Variants in NAV3 observed in about 807,000 individuals in gnomAD.
NAV3 encodes the protein pore membrane and/or filament interacting like protein 1.
Under a neutral mutation model 244.7 loss-of-function variants are expected in NAV3, and 87 were observed. That is an observed-to-expected ratio of 0.36 (90% CI 0.30 to 0.42). The LOEUF (loss-of-function observed/expected upper bound fraction) is 0.42, where lower values mean the gene tolerates loss of function less well. NAV3 is among the 20% of genes least tolerant of loss of function. NAV3 has a pLI of 1.00. For missense variants in NAV3, 2,663 were observed against 2,893.3 expected (o/e 0.92, Z 1.83); for synonymous variants, 1,126 against 1,042.2 (o/e 1.08, Z -1.55).
At chr12:77,961,115 A>G (rs1047518538) in intron 3 of NAV3, among the ~76,000 whole-genome samples, 5 of 145,674 alleles carry the variant, frequency 3.4e-5, no homozygotes, top group Non-Finnish European at 4.5e-5. Context: ...TATATGTAAT[A>G]TAATAAATAT....
chr12:77,615,631 C>T (rs187847310), intron 2 of NAV3, among the ~76,000 whole-genome samples: 1 of 152,112 alleles, frequency 6.6e-6, no homozygotes, highest in Non-Finnish European at 1.5e-5. Context: ...TGATGGGCAT[C>T]TTTATTGATT....
intron 1 of NAV3, among the ~76,000 whole-genome samples, chr12:77,939,893 C>A (rs1889699674): frequency 6.6e-6 from 1 of 152,086 alleles, no homozygotes; most frequent in African/African-American, 2.4e-5. Flanking sequence ...ATGACAAATT[C>A]AATAGTGTTC....
intron 1 of NAV3, among the ~76,000 whole-genome samples, chr12:77,839,631 G>A (rs1875266609): frequency 6.6e-6 from 1 of 152,176 alleles, no homozygotes. Flanking sequence ...TACATAGTTG[G>A]TGGTCAACAC....
chr12:77,850,797 T>G (rs559212881), intron 1 of NAV3, among the ~76,000 whole-genome samples: 31 of 152,244 alleles, frequency 2.0e-4, no homozygotes, highest in African/African-American at 7.5e-4. Context: ...AGTCTCTGGT[T>G]TTCTTGCTAC....
chr12:77,813,337 A>G (rs1445658178), intron 2 of NAV3, among the ~76,000 whole-genome samples: 1 of 152,160 alleles, frequency 6.6e-6, no homozygotes, highest in Non-Finnish European at 1.5e-5. Flanking sequence ...GGAACTATAT[A>G]TCAGGGTTCT....
intron 1 of NAV3, among the ~76,000 whole-genome samples, chr12:77,922,265 T>G (rs1432391838): frequency 2.6e-5 from 4 of 152,146 alleles, no homozygotes; most frequent in Admixed American, 2.6e-4. Context: ...GAGGTTTTTT[T>G]GGGTTTTGTT....
chr12:78,050,057 A>G lies in NAV3; in HGVS notation c.2088A>G (p.Leu696=). The G allele has an allele frequency of 1.2e-6, 2 of 1,613,500 alleles. No homozygotes were observed. Among genetic ancestry groups the G allele is most frequent in the African/African-American group, 1.3e-5 (1 of 75,044 alleles). ...ACATAGCAGACTTGAGGCAGAATTTAGAAGAGACTATGTCCAGTCTTCGTG... is the reference window on the plus strand; with the variant it reads ...ACATAGCAGACTTGAGGCAGAATTTGGAAGAGACTATGTCCAGTCTTCGTG... ...VKNIADLRQN[L]EETMSSLRGT... Residue 696 remains leucine (L), a synonymous_variant, in exon 10 of 40, where the codon TTA becomes TTG. Coordinates refer to ENST00000397909, the MANE Select transcript of NAV3 (RefSeq NM_001024383.2).
At chr12:77,759,062 A>C (rs1436943526) in intron 2 of NAV3, among the ~76,000 whole-genome samples, 1 of 152,226 alleles carries the variant, frequency 6.6e-6, no homozygotes, top group African/African-American at 2.4e-5. Flanking sequence ...AGCAGCTGCC[A>C]CATTGGACAG....
chr12:77,820,989 A>C (rs1872718405), intron 2 of NAV3, among the ~76,000 whole-genome samples: 1 of 151,996 alleles, frequency 6.6e-6, no homozygotes, highest in African/African-American at 2.4e-5. Context: ...GGTAGGTTGA[A>C]AAAGAGGTAT....
At position 78,128,722 on chromosome 12, in the gene NAV3, C is replaced by T. The variant is rs752344646; in HGVS notation, c.4297C>T (p.Arg1433Trp). The change falls in exon 18 of 40, where the codon CGG (arginine) becomes TGG (tryptophan). Residue 1433 changes from arginine (R) to tryptophan (W), a missense_variant. Physicochemically the swap from Arg to Trp is moderately radical, Grantham distance 101. Around this residue, in one of 6 missense-constraint regions of NAV3, gnomAD observed 354 missense variants for 413.0 expected, o/e 0.86. Transcript: ENST00000397909. The part of the protein sequence containing the change: ...KKGLRYTPSS[R>W]QANQEEGKEW... Reference sequence around the variant, plus strand: ...GTTTTGCAGATATACCCCATCATCTCGGCAGGCCAACCAAGAAGAGGGCAA... The same window carrying T: ...GTTTTGCAGATATACCCCATCATCTTGGCAGGCCAACCAAGAAGAGGGCAA... 8.7e-6 allele frequency: 14 copies of T among 1,613,724 alleles called. No homozygotes were observed. The highest frequency in any genetic ancestry group is 1.6e-4 in the Middle Eastern group (1 of 6,080).
chr12:77,777,210 A>T (rs1331770572), intron 2 of NAV3, among the ~76,000 whole-genome samples: 2 of 152,210 alleles, frequency 1.3e-5, no homozygotes, highest in African/African-American at 2.4e-5. Flanking sequence ...AATTTATAAC[A>T]TAGGCATACT....
At chr12:77,984,734 C>G (rs1198867185) in intron 5 of NAV3, among the ~76,000 whole-genome samples, 4 of 152,154 alleles carry the variant, frequency 2.6e-5, no homozygotes, top group Admixed American at 6.5e-5. Flanking sequence ...ATAATGTCAT[C>G]TATCATTTCT....
At chr12:77,915,755 G>A (rs1311373654) in intron 1 of NAV3, among the ~76,000 whole-genome samples, 2 of 151,892 alleles carry the variant, frequency 1.3e-5, no homozygotes, top group Non-Finnish European at 2.9e-5. Flanking sequence ...TGCAAAATTG[G>A]TAAGGTCTTT....
chr12:78,007,675 C>T (rs1446432286), intron 8 of NAV3, among the ~76,000 whole-genome samples: 1 of 152,138 alleles, frequency 6.6e-6, no homozygotes. Context: ...TTGAGACCTT[C>T]AAAAATTGAA....
intron 3 of NAV3, among the ~76,000 whole-genome samples, chr12:77,964,348 C>T (rs1249450916): frequency 2.6e-5 from 4 of 152,174 alleles, no homozygotes; most frequent in Middle Eastern, 6.8e-3. Flanking sequence ...AGAAATCTTC[C>T]TTCTTTCTAT....
At chr12:77,693,666 CCT>C (rs1316791089) in intron 2 of NAV3, among the ~76,000 whole-genome samples, 1 of 151,976 alleles carries the variant, frequency 6.6e-6, no homozygotes, top group Non-Finnish European at 1.5e-5. Context: ...TGAGGCAACC[CCT>C]GTTACCATTT....
At chr12:77,854,139 C>T (rs1416495529) in intron 1 of NAV3, among the ~76,000 whole-genome samples, 1 of 152,058 alleles carries the variant, frequency 6.6e-6, no homozygotes, top group Non-Finnish European at 1.5e-5. Context: ...CATGGTTATT[C>T]GTTTTCAGAC....
chr12:77,963,901 CCTTCCTTCTCCTTCT>C, intron 3 of NAV3, among the ~76,000 whole-genome samples: 1 of 18,790 alleles, frequency 5.3e-5, no homozygotes, highest in South Asian at 2.4e-3. Flanking sequence ...TTCTCCTTCT[CCTTCCTTCTCCTTCT>C]CCTTCCTTCT....
intron 1 of NAV3, among the ~76,000 whole-genome samples, chr12:77,899,428 T>A (rs1272220429): frequency 1.3e-5 from 2 of 152,212 alleles, no homozygotes; most frequent in East Asian, 3.8e-4. Context: ...CGGCAGCTGT[T>A]GACCTTGAGA....
Sources: gnomAD v4.1 joint callset for allele counts (sites outside exome capture counted in the v4.1 genomes callset) on GRCh38, gnomAD v4.1.1 for gene constraint, gnomAD v4.1.1 regional missense constraint, MANE v1.5 for transcripts, NCBI Gene and HGNC (gene_info 2026-07-23, HGNC 2026-07-21) for gene names.